Variants in LMX1B observed in about 807,000 individuals in gnomAD.
LMX1B encodes the protein LIM homeobox transcription factor 1-beta.
In LMX1B, 12 loss-of-function variants were observed where a neutral mutation model predicts 51.4. The ratio of observed to expected loss-of-function variants is 0.23; its 90% CI spans 0.15 to 0.38. LMX1B has a LOEUF of 0.38. Ranked by LOEUF, LMX1B falls within the 10% of genes least tolerant of loss-of-function variation. LMX1B has a pLI of 1.00. For synonymous variants in LMX1B, 237 were observed against 235.4 expected, an observed-to-expected ratio of 1.01 and a Z score of -0.06; for missense variants, 445 against 571.1, an observed-to-expected ratio of 0.78 and a Z score of 2.25.
At chr9:126,631,233 C>T (rs755892693) in intron 2 of LMX1B, among the ~76,000 whole-genome samples, 10 of 152,250 alleles carry the variant, frequency 6.6e-5, no homozygotes, top group African/African-American at 1.4e-4. Flanking sequence ...CATGCCCTTA[C>T]GGCTGCAGAG....
rs1836466650 is a variant in LMX1B at position 126,671,872 on chromosome 9, C to T, written c.327-18964C>T. Among the ~76,000 whole-genome samples, 1 of 152,260 alleles carries T rather than the reference C, an allele frequency of 6.6e-6. No individual in the cohort carries two copies. The highest frequency in any genetic ancestry group is 1.5e-5 in the Non-Finnish European group (1 of 68,038). On this transcript the variant is annotated intron_variant, in intron 2 of 7. Transcript: ENST00000373474. The surrounding 1 kb of genome is among the most constrained non-coding windows in gnomAD (Gnocchi z 4.4). ...TGGCCAGGCCTCCACTCCCCTCCCT[C>T]CAGAGGGGCAGAGAGGGAATAGAGG...
intron 2 of LMX1B, among the ~76,000 whole-genome samples, chr9:126,637,743 T>G (rs1050717001): frequency 6.6e-6 from 1 of 151,820 alleles, no homozygotes; most frequent in African/African-American, 2.4e-5. Context: ...TCGGCGGGAA[T>G]TTCCTTTCAC....
intron 7 of LMX1B, 44 bp from the exon 8 acceptor site, chr9:126,696,250 G>C: frequency 6.2e-7 from 1 of 1,602,574 alleles, no homozygotes; most frequent in African/African-American, 1.3e-5. Context: ...GCCCCCAGGA[G>C]CCCCAGCCTG....
chr9:126,619,921 C>T (rs918923906), intron 2 of LMX1B, among the ~76,000 whole-genome samples: 7 of 152,120 alleles, frequency 4.6e-5, no homozygotes, highest in African/African-American at 9.7e-5. Context: ...GACCCACGGC[C>T]GTGGCACCTA....
chr9:126,683,118 G>A (rs1053236744), intron 2 of LMX1B, among the ~76,000 whole-genome samples: 5 of 150,944 alleles, frequency 3.3e-5, no homozygotes, highest in Admixed American at 2.0e-4. Context: ...GCACAGCTGC[G>A]GGCCGCAGGA....
At position 126,677,301 on chromosome 9, in the gene LMX1B, C is replaced by G. The variant is rs1474472832; in HGVS notation, c.327-13535C>G. On this transcript the variant is annotated intron_variant, in intron 2 of 7. Coordinates refer to ENST00000373474, the MANE Select transcript of LMX1B (RefSeq NM_001174147.2). This position sits in a 1 kb window ranked among gnomAD's most constrained non-coding sequence, Gnocchi z 5.0. ...CTGCTCCTGCCCCCTCCTCTCCGAG[C>G]TCCCCTGGGCTCAGCATGGAGTCCT... is the stretch of plus-strand genomic sequence containing the variant. Among the ~76,000 whole-genome samples the G allele has an allele frequency of 2.0e-5, 3 of 152,226 alleles. No individual in the cohort carries two copies. The highest frequency in any genetic ancestry group is 4.4e-5 in the Non-Finnish European group (3 of 68,026).
Position 126,701,019 on chromosome 9 carries a change from C to A in LMX1B, c.*4568C>A, listed in dbSNP as rs539011309. 3 of 152,240 alleles carry A rather than the reference C, an allele frequency of 2.0e-5. No homozygotes were observed. The highest frequency in any genetic ancestry group is 4.4e-5 in the Non-Finnish European group (3 of 68,094). 9.4% of individuals were successfully genotyped at this position (152,240 alleles called of 1,614,324 possible). A position where few individuals can be genotyped will look rare whatever the true frequency, so the allele number is the denominator to read the frequency against. ...GACATCAGTATATTTGTAAATAAAC[C>A]GACCTGTACACTCCTGTGGTCTTCT... On this transcript the variant is annotated 3_prime_UTR_variant, in exon 8 of 8. Coordinates refer to ENST00000373474, the MANE Select transcript of LMX1B (RefSeq NM_001174147.2).
At chr9:126,688,364 A>C (rs1333001925) in intron 2 of LMX1B, among the ~76,000 whole-genome samples, 1 of 152,180 alleles carries the variant, frequency 6.6e-6, no homozygotes, top group African/African-American at 2.4e-5. Flanking sequence ...TCCGGGAGTC[A>C]CCCAAGGTGT....
In LMX1B at chr9:126,677,554, C is replaced by A. The variant is rs1836586169; in HGVS notation, c.327-13282C>A. 6.6e-6 allele frequency among the ~76,000 whole-genome samples: 1 copy of A among 152,194 alleles called. No individual in the cohort carries two copies. The highest frequency in any genetic ancestry group is 2.4e-5 in the African/African-American group (1 of 41,438). ...GGAAGGCAGGAGAGTGTGGTGGTTA[C>A]CAGCCCAGCTGACCTGGGGCCCCAG... On this transcript the variant is annotated intron_variant, in intron 2 of 7. Transcript: ENST00000373474. This position sits in a 1 kb window ranked among gnomAD's most constrained non-coding sequence, Gnocchi z 5.0.
At chr9:126,635,713 A>T (rs1290354842) in intron 2 of LMX1B, among the ~76,000 whole-genome samples, 1 of 152,202 alleles carries the variant, frequency 6.6e-6, no homozygotes, top group Non-Finnish European at 1.5e-5. Flanking sequence ...AGCTCAAGAA[A>T]CTGGGGCTCT....
intron 2 of LMX1B, among the ~76,000 whole-genome samples, chr9:126,672,192 C>T (rs1230310291): frequency 6.6e-6 from 1 of 152,218 alleles, no homozygotes; most frequent in Non-Finnish European, 1.5e-5. Context: ...TGGCTGGTGA[C>T]CTTGAGCAAG....
chr9:126,680,024 A>C (rs1186305893), intron 2 of LMX1B, among the ~76,000 whole-genome samples: 1 of 152,218 alleles, frequency 6.6e-6, no homozygotes, highest in Non-Finnish European at 1.5e-5. Context: ...GGCCTGGCCT[A>C]TTCTGGCCAT....
At chr9:126,683,297 C>T (rs1006920755) in intron 2 of LMX1B, among the ~76,000 whole-genome samples, 4 of 151,602 alleles carry the variant, frequency 2.6e-5, no homozygotes, top group African/African-American at 4.8e-5. Context: ...GCGGCTCCCG[C>T]CGCCGCCCGC....
At chr9:126,683,930 C>A (rs914785422) in intron 2 of LMX1B, among the ~76,000 whole-genome samples, 1 of 152,154 alleles carries the variant, frequency 6.6e-6, no homozygotes, top group Non-Finnish European at 1.5e-5. Flanking sequence ...CCCAGATAGA[C>A]TCTTGGTGCT....
In LMX1B at chr9:126,621,653, T is replaced by C. The variant is rs199626005; in HGVS notation, c.326+6084T>C. 4.3e-4 allele frequency among the ~76,000 whole-genome samples: 16 copies of C among 37,606 alleles called. 2 individuals carry two copies. Among genetic ancestry groups the C allele is most frequent in the Non-Finnish European group, 3.6e-4 (4 of 11,232 alleles). 24.7% of individuals were successfully genotyped at this position (37,606 alleles called of 152,430 possible). ...TATAGGGTTTTTCTCTCTCTCTCTCTTCTTTTTTTTTTTTTTTTTTTTTTT... is the reference window on the plus strand; with the variant it reads ...TATAGGGTTTTTCTCTCTCTCTCTCCTCTTTTTTTTTTTTTTTTTTTTTTT... On this transcript the variant is annotated intron_variant, in intron 2 of 7. Transcript: ENST00000373474.
At position 126,673,125 on chromosome 9, in the gene LMX1B, C is replaced by T. The variant is rs1016821454; in HGVS notation, c.327-17711C>T. Among the ~76,000 whole-genome samples the T allele has an allele frequency of 6.6e-6, 1 of 152,324 alleles. No individual in the cohort carries two copies. Among genetic ancestry groups the T allele is most frequent in the East Asian group, 1.9e-4 (1 of 5,168 alleles). On this transcript the variant is annotated intron_variant, in intron 2 of 7. Coordinates refer to ENST00000373474, the MANE Select transcript of LMX1B (RefSeq NM_001174147.2). This position sits in a 1 kb window ranked among gnomAD's most constrained non-coding sequence, Gnocchi z 4.4. ...TTTTCTCATCTGAGAAATGGGAAGA[C>T]TCATTCTCCTTGCCTTCCAGGGTCG...
At chr9:126,693,687 G>C in intron 5 of LMX1B, 59 bp from the exon 6 acceptor site, 1 of 1,591,194 alleles carries the variant, frequency 6.3e-7, no homozygotes, top group Non-Finnish European at 8.6e-7. Context: ...AGGGGGCGTG[G>C]GGCTGGCTGT....
intron 2 of LMX1B, among the ~76,000 whole-genome samples, chr9:126,629,455 A>G (rs1331722199): frequency 6.6e-6 from 1 of 152,248 alleles, no homozygotes; most frequent in Non-Finnish European, 1.5e-5. Flanking sequence ...ACCGAGGCAC[A>G]GAGAAGTTAA....
At chr9:126,693,030 G>T (rs2030188961) in intron 3 of LMX1B, 112 bp from the exon 4 acceptor site, 7 of 1,144,852 alleles carry the variant, frequency 6.1e-6, no homozygotes, top group Non-Finnish European at 8.7e-6. Context: ...GCCACGGCAG[G>T]TGTCAACAGA....
Sources: allele counts gnomAD v4.1 joint callset (sites outside exome capture counted in the v4.1 genomes callset), GRCh38; gene constraint gnomAD v4.1.1; non-coding constraint Gnocchi (gnomAD v3.1); transcripts MANE v1.5; gene names NCBI Gene and HGNC (gene_info 2026-07-23, HGNC 2026-07-21).